Variants in ZNF230 observed in about 807,000 individuals in gnomAD.
The protein encoded by ZNF230 is zinc finger protein FDZF2.
In ZNF230, 12 loss-of-function variants were observed where a neutral mutation model predicts 10.0. The observed-to-expected ratio is 1.20, with a 90% CI of 0.77 to 1.95. The LOEUF is 1.95. ZNF230 is among the 30% of genes most tolerant of loss of function. The probability of loss-of-function intolerance (pLI) is 0.00; values close to 1 mark genes in which losing one functional copy is unlikely to be tolerated. For synonymous variants in ZNF230, 174 were observed against 193.6 expected, an observed-to-expected ratio of 0.90 and a Z score of 0.84; for missense variants, 532 against 565.8, an observed-to-expected ratio of 0.94 and a Z score of 0.61.
rs778397006 is a variant in ZNF230 at position 44,008,902 on chromosome 19, A to G, written c.128A>G (p.Asn43Ser). 11 of 1,613,820 alleles carry G rather than the reference A, an allele frequency of 6.8e-6. No homozygotes were observed. The highest frequency in any genetic ancestry group is 3.3e-4 in the Middle Eastern group (2 of 6,084). The change falls in exon 3 of 5, where the codon AAC (asparagine) becomes AGC (serine). Residue 43 changes from asparagine to serine, a missense_variant. Physicochemically the swap from Asn to Ser is conservative, Grantham distance 46. Coordinates refer to ENST00000429154, the MANE Select transcript of ZNF230 (RefSeq NM_006300.4). ...GACGTGATGCTTGAGAACTTCACGA[A>G]CCTGCTGTCAGTGGGTGAGCACAGG... ...YQDVMLENFT[N>S]LLSVGHQPFH... is the part of the protein sequence containing the mutation.
chr19:44,009,087 A>G lies in ZNF230; in HGVS notation c.146A>G (p.His49Arg), dbSNP rs542128366. ...ACATGACTTTGCATGTTCACAGGGC[A>G]TCAACCATTCCACCCTTTCCACTTC... Reference protein sequence around the residue: ...ENFTNLLSVGHQPFHPFHFLR... With the variant: ...ENFTNLLSVGRQPFHPFHFLR... Residue 49 changes from histidine to arginine, a missense_variant, in exon 4 of 5, where the codon CAT becomes CGT. Physicochemically the swap from His to Arg is conservative, Grantham distance 29 (BLOSUM62 0). Coordinates refer to ENST00000429154, the MANE Select transcript of ZNF230 (RefSeq NM_006300.4). 7 of 1,614,068 alleles carry G rather than the reference A, an allele frequency of 4.3e-6. No individual in the cohort carries two copies. The highest frequency in any genetic ancestry group is 2.7e-5 in the African/African-American group (2 of 74,934).
intron 2 of ZNF230, among the ~76,000 whole-genome samples, chr19:44,007,369 T>A (rs1976132933): frequency 6.6e-6 from 1 of 152,222 alleles, no homozygotes; most frequent in Non-Finnish European, 1.5e-5. Context: ...TTAGCCTGAT[T>A]TTTCTTCTTG....
Position 44,011,301 on chromosome 19 carries a change from A to C in ZNF230, c.1262A>C (p.Lys421Thr). 1 of 1,614,126 alleles carries C rather than the reference A, an allele frequency of 6.2e-7. No homozygotes were observed. Among genetic ancestry groups the C allele is most frequent in the Non-Finnish European group, 8.5e-7 (1 of 1,180,024 alleles). ...KKLHCRKKPF[K>T]CEDCGKRLVH... ...CTCCACTGCCGGAAAAAACCCTTCAAATGTGAGGATTGTGGAAAGAGGCTT... is the reference window on the plus strand; with the variant it reads ...CTCCACTGCCGGAAAAAACCCTTCACATGTGAGGATTGTGGAAAGAGGCTT... Residue 421 changes from lysine (K) to threonine (T), a missense_variant, in exon 5 of 5, where the codon AAA (lysine) becomes ACA (threonine). By Grantham distance (78) the Lys-to-Thr change is moderately conservative (BLOSUM62 -1). Transcript: ENST00000429154.
At chr19:44,007,682 G>C (rs559363088) in intron 2 of ZNF230, among the ~76,000 whole-genome samples, 1 of 152,308 alleles carries the variant, frequency 6.6e-6, no homozygotes, top group African/African-American at 2.4e-5. Context: ...TCCGTATTCT[G>C]TCCTTCTGTC....
intron 1 of ZNF230, chr19:44,003,474 G>A (rs1398466984): frequency 1.3e-5 from 2 of 152,210 alleles, no homozygotes. Context: ...TTCCCGAAGA[G>A]GTCAGGTCCC....
At chr19:44,003,476 T>A (rs1310073336) in intron 1 of ZNF230, 1 of 151,996 alleles carries the variant, frequency 6.6e-6, no homozygotes, top group Non-Finnish European at 1.5e-5. Flanking sequence ...CCCGAAGAGG[T>A]CAGGTCCCCG....
At chr19:44,007,201 A>T in intron 2 of ZNF230, 108 bp downstream of exon 2, 3 of 1,073,808 alleles carry the variant, frequency 2.8e-6, no homozygotes, top group South Asian at 2.0e-5. Flanking sequence ...GGCATTTGGG[A>T]CCTGTTGTGT....
rs1976191965 is a variant in ZNF230, at chr19:44,012,134, G to C, written c.*670G>C. 1 of 288,144 alleles carries C rather than the reference G, an allele frequency of 3.5e-6. No individual in the cohort carries two copies. Among genetic ancestry groups the C allele is most frequent in the Admixed American group, 5.0e-5 (1 of 19,950 alleles). The allele number at this position is 288,144 out of a possible 1,614,324, so 17.8% of individuals were successfully genotyped here. A position where few individuals can be genotyped will look rare whatever the true frequency, so the allele number is the denominator to read the frequency against. On this transcript the variant is annotated 3_prime_UTR_variant, in exon 5 of 5. Coordinates refer to ENST00000429154, the MANE Select transcript of ZNF230 (RefSeq NM_006300.4). ...ATCACTCGAATCTTATGCCTCAGAGGCTTGACACAAGAGCAAAACTATGGA... is the reference window on the plus strand; with the variant it reads ...ATCACTCGAATCTTATGCCTCAGAGCCTTGACACAAGAGCAAAACTATGGA...
Position 44,012,418 on chromosome 19 carries a change from G to C in ZNF230, c.*954G>C, listed in dbSNP as rs186615201. ...ATATTTCATCCAGGCTTGTAGGACA[G>C]AAAACATTTGTTTAAGTTAAATTCA... On this transcript the variant is annotated 3_prime_UTR_variant, in exon 5 of 5. Transcript: ENST00000429154. 5.8e-6 allele frequency: 3 copies of C among 519,054 alleles called. No individual in the cohort carries two copies. In the East Asian group the frequency reaches 1.6e-4, roughly 28 times the overall value. 32.2% of individuals were successfully genotyped at this position (519,054 alleles called of 1,614,324 possible). A position where few individuals can be genotyped will look rare whatever the true frequency, so the allele number is the denominator to read the frequency against.
Position 44,010,544 on chromosome 19 carries a change from A to G in ZNF230, c.505A>G (p.Thr169Ala), listed in dbSNP as rs1976168545. ...GTTCCACTCAGGAGAGAAGTCTCAT[A>G]CATGCAATGAGTGTGGAAAAAGCTT... is the stretch of plus-strand genomic sequence containing the variant. ...QQFHSGEKSH[T>A]CNECGKSFCY... Residue 169 changes from threonine to alanine, a missense_variant, in exon 5 of 5, where the codon ACA (threonine) becomes GCA (alanine). Physicochemically the swap from Thr to Ala is moderately conservative, Grantham distance 58. Transcript: ENST00000429154. 6.2e-7 allele frequency: 1 copy of G among 1,614,240 alleles called. No individual in the cohort carries two copies. The highest frequency in any genetic ancestry group is 8.5e-7 in the Non-Finnish European group (1 of 1,180,046).
chr19:44,006,472 C>T (rs1976125299), intron 1 of ZNF230, among the ~76,000 whole-genome samples: 1 of 152,098 alleles, frequency 6.6e-6, no homozygotes, highest in African/African-American at 2.4e-5. Context: ...TTTTTTTCAA[C>T]TCTATTGAGG....
At chr19:44,008,539 G>C (rs764204744) in intron 2 of ZNF230, among the ~76,000 whole-genome samples, 5 of 152,160 alleles carry the variant, frequency 3.3e-5, no homozygotes, top group Non-Finnish European at 5.9e-5. Flanking sequence ...GTGTAGCCCA[G>C]GATGCACCAT....
chr19:44,005,614 C>G (rs998071829), intron 1 of ZNF230, among the ~76,000 whole-genome samples: 2 of 152,166 alleles, frequency 1.3e-5, no homozygotes, highest in African/African-American at 4.8e-5. Flanking sequence ...CTATGCCAGG[C>G]ACAGTGGCTC....
Position 44,013,196 on chromosome 19 carries a change from A to G in ZNF230, c.*1732A>G, listed in dbSNP as rs1451022171. On this transcript the variant is annotated 3_prime_UTR_variant, in exon 5 of 5. Coordinates refer to ENST00000429154, the MANE Select transcript of ZNF230 (RefSeq NM_006300.4). ...ATAATGGCCTTCTAATTGTGGTAGC[A>G]TTTATTTTATCAAACAACTCAGGTA... is the stretch of plus-strand genomic sequence containing the variant. The G allele has an allele frequency of 6.6e-6, 1 of 152,190 alleles. No individual in the cohort carries two copies. The highest frequency in any genetic ancestry group is 6.5e-5 in the Admixed American group (1 of 15,274). The allele number at this position is 152,190 out of a possible 1,614,324, so 9.4% of individuals were successfully genotyped here. A position where few individuals can be genotyped will look rare whatever the true frequency, so the allele number is the denominator to read the frequency against.
Position 44,011,004 on chromosome 19 carries a change from A to G in ZNF230, c.965A>G (p.Asp322Gly), listed in dbSNP as rs1976175002. ...GGAAAAGGCTTCACTGATAGCCTAG[A>G]TTTGCATAAGCATCAGATAATTCAC... ...ECGKGFTDSLDLHKHQIIHTG... is the reference protein window; with the variant it reads ...ECGKGFTDSLGLHKHQIIHTG... The change falls in exon 5 of 5, where the codon GAT (aspartate) becomes GGT (glycine). Residue 322 changes from aspartate to glycine, a missense_variant. Transcript: ENST00000429154. 6.2e-7 allele frequency: 1 copy of G among 1,614,222 alleles called. No individual in the cohort carries two copies. The highest frequency in any genetic ancestry group is 1.3e-5 in the African/African-American group (1 of 75,074).
In ZNF230 at chr19:44,011,090, CTT is replaced by C. The variant is rs1239571192; in HGVS notation, c.1054_1055del (p.Leu352AspfsTer15). 6.2e-7 allele frequency: 1 copy of C among 1,614,144 alleles called. No homozygotes were observed. Among genetic ancestry groups the C allele is most frequent in the Non-Finnish European group, 8.5e-7 (1 of 1,180,014 alleles). On this transcript the variant is annotated frameshift_variant, in exon 5 of 5. Transcript: ENST00000429154. LOFTEE classifies it low-confidence loss of function (END_TRUNC). Reference protein sequence around the residue: ...CGKSFRWSSYLLIHQRIHSGE... With the variant: ...CGKSFRWSSYXLIHQRIHSGE... ...GAAGAGCTTCAGATGGTCCTCATAT[CTT>C]TTGATCCATCAGCGAATCCACAGTG...
In ZNF230 at chr19:44,012,056, A is replaced by AGG; in HGVS notation, c.*592_*593insGG. The AGG allele has an allele frequency of 1.0e-5, 2 of 198,324 alleles. No individual in the cohort carries two copies. Among genetic ancestry groups the AGG allele is most frequent in the Non-Finnish European group, 2.1e-5 (2 of 97,022 alleles). 12.3% of individuals were successfully genotyped at this position (198,324 alleles called of 1,614,324 possible). ...ATGAACATGGTAGTGTAGATATCTG[A>AGG]TCCACATACTGATTTCCTTTGCTTT... On this transcript the variant is annotated 3_prime_UTR_variant, in exon 5 of 5. Transcript: ENST00000429154.
At position 44,013,046 on chromosome 19, in the gene ZNF230, T is replaced by C. The variant is rs1225697953; in HGVS notation, c.*1582T>C. 1.3e-5 allele frequency: 2 copies of C among 152,282 alleles called. No individual in the cohort carries two copies. Among genetic ancestry groups the C allele is most frequent in the Non-Finnish European group, 2.9e-5 (2 of 68,064 alleles). The allele number at this position is 152,282 out of a possible 1,614,324, so 9.4% of individuals were successfully genotyped here. ...ACTGCATATATCACAATTACATTTT[T>C]TTCAACAGTGTTAAGGCAAAATTTA... On this transcript the variant is annotated 3_prime_UTR_variant, in exon 5 of 5. Coordinates refer to ENST00000429154, the MANE Select transcript of ZNF230 (RefSeq NM_006300.4).
intron 1 of ZNF230, 56 bp from the exon 2 acceptor site, chr19:44,006,955 C>A: frequency 1.3e-6 from 1 of 771,818 alleles, no homozygotes; most frequent in Non-Finnish European, 2.2e-6. Context: ...TGTTGCTACA[C>A]AGCCTCCCCA....
Sources: gnomAD v4.1 joint callset for allele counts (sites outside exome capture counted in the v4.1 genomes callset) on GRCh38, gnomAD v4.1.1 for gene constraint, MANE v1.5 for transcripts, NCBI Gene and HGNC (gene_info 2026-07-23, HGNC 2026-07-21) for gene names.